The following RTL9 variants were observed in gnomAD, a reference collection of about 807,000 sequenced individuals.
The protein encoded by RTL9 is retrotransposon Gag-like protein 9.
A neutral mutation model predicts 44.7 loss-of-function variants in RTL9; 19 were observed. The observed-to-expected ratio is 0.42, with a 90% CI of 0.30 to 0.62. The LOEUF (loss-of-function observed/expected upper bound fraction) is 0.62. RTL9 is among the 20% of genes least tolerant of loss of function. RTL9 has a pLI of 0.16. For synonymous variants in RTL9, 407 were observed against 398.9 expected (o/e 1.02, Z -0.24); for missense variants, 1,105 against 1,080.6 (o/e 1.02, Z -0.32).
In RTL9 at chrX:110,452,345, C is replaced by A. The variant is rs1016770289; in HGVS notation, c.1728C>A (p.Ser576=). 4 of 1,210,169 alleles carry A rather than the reference C, an allele frequency of 3.3e-6. No individual in the cohort carries two copies. The African/African-American group carries it at 7.0e-5, about 21-fold the overall frequency. Residue 576 remains serine, a synonymous_variant, in exon 1 of 2, where the codon TCC becomes TCA. Transcript: ENST00000540313. ...AAGCCATGACTTCTGGAGCAATGTC[C>A]ACCCCACTAATGACAGCCCAAACCT...
chrX:110,362,672 A>C (rs1052958253), intron 1 of RTL9, among the ~76,000 whole-genome samples: 1 of 112,102 alleles, frequency 8.9e-6, no homozygotes, highest in Non-Finnish European at 1.9e-5. Flanking sequence ...AATATGATAA[A>C]TGAAGTATTT....
upstream of RTL9, among the ~76,000 whole-genome samples, chrX:110,448,904 G>A (rs2068923441): frequency 9.0e-6 from 1 of 111,495 alleles, no homozygotes; most frequent in Non-Finnish European, 1.9e-5. Context: ...GGGAAACTGT[G>A]GCATGTTCAG....
At chrX:110,393,074 T>A (rs1225546860) in intron 1 of RTL9, among the ~76,000 whole-genome samples, 1 of 111,601 alleles carries the variant, frequency 9.0e-6, no homozygotes, top group Non-Finnish European at 1.9e-5. Flanking sequence ...TTGCACATTG[T>A]CCCTCTTGGG....
At chrX:110,429,390 T>C (rs932708498) in intron 1 of RTL9, among the ~76,000 whole-genome samples, 2 of 111,418 alleles carry the variant, frequency 1.8e-5, no homozygotes, top group Non-Finnish European at 3.8e-5. Flanking sequence ...TTATTAGCTA[T>C]GCAACATTGA....
At chrX:110,385,841 C>T (rs950815440) in intron 1 of RTL9, among the ~76,000 whole-genome samples, 1 of 111,204 alleles carries the variant, frequency 9.0e-6, no homozygotes, top group African/African-American at 3.3e-5. Context: ...CTAGTAGTCT[C>T]CAGTGTCTAT....
exon 1 of RTL9, chrX:110,451,933 C>G: frequency 8.3e-7 from 1 of 1,211,070 alleles, no homozygotes; most frequent in South Asian, 1.8e-5. Flanking sequence ...GCCATGACCA[C>G]CTCACTGATG....
chrX:110,436,275 G>A (rs780212032), intron 1 of RTL9, among the ~76,000 whole-genome samples: 2 of 111,151 alleles, frequency 1.8e-5, no homozygotes, highest in South Asian at 3.9e-4. Context: ...TTCATTATGC[G>A]ACCCAGCTGT....
At chrX:110,396,286 A>G (rs148516536) in intron 1 of RTL9, among the ~76,000 whole-genome samples, 6,717 of 111,492 alleles carry the variant, frequency 0.06, 232 homozygotes, top group African/African-American at 0.12. Flanking sequence ...TGAACCCCCA[A>G]GTATCCATCA....
chrX:110,395,230 C>T (rs2068520906), intron 1 of RTL9, among the ~76,000 whole-genome samples: 1 of 112,100 alleles, frequency 8.9e-6, no homozygotes, highest in South Asian at 3.8e-4. Flanking sequence ...TTCTGCCATC[C>T]CTAACCTAGT....
exon 1 of RTL9, chrX:110,451,371 T>C (rs2068939527): frequency 2.5e-6 from 3 of 1,211,879 alleles, no homozygotes; most frequent in Non-Finnish European, 2.2e-6. Context: ...TGCTCTAGCC[T>C]CTGGAGAGAT....
intron 1 of RTL9, among the ~76,000 whole-genome samples, chrX:110,371,745 CT>C (rs200906274): frequency 1.5e-4 from 17 of 110,876 alleles, no homozygotes; most frequent in Non-Finnish European, 1.5e-4. Flanking sequence ...GAGCCACAGA[CT>C]TTTTTTTGGC....
At position 110,455,150 on chromosome X, in the gene RTL9, G is replaced by A. The variant is rs190942051; in HGVS notation, c.4048-52G>A. On this transcript the variant is annotated intron_variant, in intron 1 of 1. Coordinates refer to ENST00000540313, the Ensembl canonical transcript of RTL9. The stretch of plus-strand genomic sequence containing the variant: ...CAGAACTTATCCAGGCAGAACACCC[G>A]TTGCCATAGTAAGTGTGGCTCTTAC... 4.7e-5 allele frequency: 56 copies of A among 1,198,747 alleles called. No individual in the cohort carries two copies. In the Admixed American group the frequency reaches 5.8e-4, roughly 12 times the overall value.
chrX:110,450,004 G>A (rs954941841), upstream of RTL9, among the ~76,000 whole-genome samples: 1 of 111,728 alleles, frequency 9.0e-6, no homozygotes, highest in African/African-American at 3.3e-5. Flanking sequence ...AAAATAATAA[G>A]CAGAATTTTC....
chrX:110,388,848 T>G (rs956717491), intron 1 of RTL9, among the ~76,000 whole-genome samples: 7 of 112,342 alleles, frequency 6.2e-5, no homozygotes, highest in Non-Finnish European at 9.4e-5. Context: ...AGTTAGCAAC[T>G]GGAAGCAAAA....
chrX:110,382,338 C>A (rs777828220), intron 1 of RTL9, among the ~76,000 whole-genome samples: 1 of 109,850 alleles, frequency 9.1e-6, no homozygotes, highest in South Asian at 3.9e-4. Flanking sequence ...AAAAAAAAAC[C>A]CAGCAACCCA....
chrX:110,383,275 T>A (rs2068433103), intron 1 of RTL9, among the ~76,000 whole-genome samples: 1 of 110,758 alleles, frequency 9.0e-6, no homozygotes, highest in Non-Finnish European at 1.9e-5. Context: ...CCATGGCCCA[T>A]CCCCTTTCCA....
At chrX:110,449,692 G>C (rs765037848), upstream of RTL9, among the ~76,000 whole-genome samples, 1 of 112,514 alleles carries the variant, frequency 8.9e-6, no homozygotes, top group East Asian at 2.8e-4. Flanking sequence ...CAAGCTCAGG[G>C]ATGCCAAACA....
intron 1 of RTL9, among the ~76,000 whole-genome samples, chrX:110,403,475 C>T (rs189115093): frequency 1.8e-5 from 2 of 111,272 alleles, no homozygotes; most frequent in African/African-American, 6.5e-5. Context: ...CACGCATGCG[C>T]GCACACACAT....
intron 1 of RTL9, among the ~76,000 whole-genome samples, chrX:110,367,752 C>T (rs2068306961): frequency 1.8e-5 from 2 of 110,616 alleles, no homozygotes; most frequent in Admixed American, 9.7e-5. Flanking sequence ...TGACTTGACT[C>T]CCTTTTTCTC....
Sources: allele counts gnomAD v4.1 joint callset (sites outside exome capture counted in the v4.1 genomes callset), GRCh38; gene constraint gnomAD v4.1.1; transcripts MANE v1.5; gene names NCBI Gene and HGNC (gene_info 2026-07-23, HGNC 2026-07-21).